The following GRID2 variants were observed in gnomAD, a reference collection of about 807,000 sequenced individuals.
GRID2 encodes the protein glutamate ionotropic receptor delta type subunit 2, also known as glutamate receptor ionotropic, delta-2.
Under a neutral mutation model 114.8 loss-of-function variants are expected in GRID2, and 33 were observed. That is an observed-to-expected ratio of 0.29 (90% CI 0.22 to 0.38). The LOEUF (loss-of-function observed/expected upper bound fraction) is 0.38, where lower values mean the gene tolerates loss of function less well. Ranked by LOEUF, GRID2 falls within the 10% of genes least tolerant of loss-of-function variation. GRID2 has a pLI of 1.00. For missense variants in GRID2, 1,184 were observed against 1,257.7 expected, an observed-to-expected ratio of 0.94 and a Z score of 0.89; for synonymous variants, 505 against 449.9, an observed-to-expected ratio of 1.12 and a Z score of -1.55.
At chr4:93,405,208 T>C (rs1460306688) in intron 9 of GRID2, among the ~76,000 whole-genome samples, 1 of 152,180 alleles carries the variant, frequency 6.6e-6, no homozygotes, top group East Asian at 1.9e-4. Context: ...GGGGAAAATA[T>C]GATTTTTATA....
chr4:93,612,188 T>G lies in GRID2; in HGVS notation c.2194-14081T>G, dbSNP rs866953776. 1.8e-3 allele frequency among the ~76,000 whole-genome samples: 267 copies of G among 151,134 alleles called. 1 individual carries two copies. Among genetic ancestry groups the G allele is most frequent in the African/African-American group, 5.8e-3 (241 of 41,216 alleles). On this transcript the variant is annotated intron_variant, in intron 13 of 15. Coordinates refer to ENST00000282020, the MANE Select transcript of GRID2 (RefSeq NM_001510.4). ...GGTAGATCTTCCTCCATCCTTTTAT[T>G]TTGAGCCTATGTGTGTCTCTGCACG...
At chr4:93,556,224 C>T (rs1277112122) in intron 13 of GRID2, among the ~76,000 whole-genome samples, 3 of 152,080 alleles carry the variant, frequency 2.0e-5, no homozygotes, top group Non-Finnish European at 4.4e-5. Context: ...CACAACTCCT[C>T]GCCAGCAAGG....
rs184672616 is a variant in GRID2 at position 93,342,465 on chromosome 4, C to T, written c.1246-53142C>T. Among the ~76,000 whole-genome samples, 51 of 152,200 alleles carry T rather than the reference C, an allele frequency of 3.4e-4. 1 individual carries two copies. Among genetic ancestry groups the T allele is most frequent in the Admixed American group, 9.2e-4 (14 of 15,272 alleles). Reference sequence around the variant, plus strand: ...AAAAAAAACTTATTATTATCATTCCCCCTCCTAAATCCATGGTTTCCTTAA... The same window carrying T: ...AAAAAAAACTTATTATTATCATTCCTCCTCCTAAATCCATGGTTTCCTTAA... On this transcript the variant is annotated intron_variant, in intron 8 of 15. Transcript: ENST00000282020.
intron 1 of GRID2, among the ~76,000 whole-genome samples, chr4:92,494,720 G>C (rs1265761693): frequency 1.3e-5 from 2 of 151,876 alleles, no homozygotes; most frequent in African/African-American, 4.8e-5. Flanking sequence ...TACATTTGTA[G>C]TATGTTTATG....
intron 2 of GRID2, chr4:92,822,268 C>A (rs527676476): frequency 1.7e-6 from 1 of 578,010 alleles, no homozygotes; most frequent in Non-Finnish European, 3.4e-6. Flanking sequence ...TTGTTGAGAT[C>A]GCATGGCATG....
chr4:93,693,662 TG>T (rs1213988361), intron 14 of GRID2, among the ~76,000 whole-genome samples: 2 of 152,164 alleles, frequency 1.3e-5, no homozygotes, highest in African/African-American at 4.8e-5. Flanking sequence ...TGAAGTGCTG[TG>T]GTAAATTATT....
At chr4:92,710,284 T>TACTAAACA (rs1735183318) in intron 2 of GRID2, among the ~76,000 whole-genome samples, 1 of 151,348 alleles carries the variant, frequency 6.6e-6, no homozygotes, top group Non-Finnish European at 1.5e-5. Flanking sequence ...GAGAAGAAAA[T>TACTAAACA]AGTAAGTACT....
At chr4:92,980,381 T>C (rs1754118256) in intron 2 of GRID2, among the ~76,000 whole-genome samples, 1 of 152,066 alleles carries the variant, frequency 6.6e-6, no homozygotes, top group African/African-American at 2.4e-5. Flanking sequence ...TAAAAATAAT[T>C]GAAGATAATT....
At chr4:93,244,563 A>G (rs1198917014) in intron 8 of GRID2, among the ~76,000 whole-genome samples, 1 of 34,954 alleles carries the variant, frequency 2.9e-5, no homozygotes, top group African/African-American at 1.2e-4. Flanking sequence ...TATATAATCT[A>G]TTATATATTA....
chr4:92,907,818 G>A (rs991332052), intron 2 of GRID2, among the ~76,000 whole-genome samples: 1 of 152,038 alleles, frequency 6.6e-6, no homozygotes, highest in Admixed American at 6.6e-5. Context: ...GAGGTTAGGA[G>A]TTCGAGACCA....
chr4:93,060,995 C>T (rs1727736548), intron 2 of GRID2, among the ~76,000 whole-genome samples: 1 of 151,842 alleles, frequency 6.6e-6, no homozygotes, highest in South Asian at 2.1e-4. Flanking sequence ...CCCAGCTACT[C>T]AGGAGGCTGA....
intron 13 of GRID2, among the ~76,000 whole-genome samples, chr4:93,545,396 A>AGTT (rs1423502283): frequency 6.6e-6 from 1 of 152,190 alleles, no homozygotes; most frequent in Admixed American, 6.5e-5. Context: ...AGAGAGACCA[A>AGTT]CAAGTTCAAG....
chr4:93,216,198 A>ACTT (rs10679709), intron 5 of GRID2, among the ~76,000 whole-genome samples: 105,214 of 151,468 alleles, frequency 0.69, 37,221 homozygotes, highest in Middle Eastern at 0.87. Flanking sequence ...TATTAGAAAA[A>ACTT]CTTATATATC....
chr4:93,185,906 C>G (rs890962716), intron 4 of GRID2, among the ~76,000 whole-genome samples: 3 of 152,122 alleles, frequency 2.0e-5, no homozygotes, highest in Admixed American at 1.3e-4. Context: ...TGACCCCCAC[C>G]CCATGACAGG....
chr4:92,405,716 C>CAA (rs59410809), intron 1 of GRID2, among the ~76,000 whole-genome samples: 6 of 139,338 alleles, frequency 4.3e-5, no homozygotes, highest in African/African-American at 7.8e-5. Flanking sequence ...TTCAGTAATA[C>CAA]AAAAAAAAAA....
intron 11 of GRID2, among the ~76,000 whole-genome samples, chr4:93,481,378 A>G (rs1725847945): frequency 6.6e-6 from 1 of 152,124 alleles, no homozygotes. Context: ...AGAAGATTTA[A>G]TCAGCAATTA....
chr4:93,480,710 G>T (rs1580202554), intron 11 of GRID2, among the ~76,000 whole-genome samples: 1 of 152,002 alleles, frequency 6.6e-6, no homozygotes, highest in South Asian at 2.1e-4. Context: ...ATCAAGAAAT[G>T]CAATTTATTG....
chr4:92,983,036 G>A (rs907847319), intron 2 of GRID2, among the ~76,000 whole-genome samples: 5 of 152,002 alleles, frequency 3.3e-5, no homozygotes, highest in Admixed American at 6.6e-5. Context: ...AGTATCTACC[G>A]TCAATCAGAG....
chr4:92,921,278 T>C (rs575823477), intron 2 of GRID2, among the ~76,000 whole-genome samples: 1 of 152,262 alleles, frequency 6.6e-6, no homozygotes, highest in Admixed American at 6.5e-5. Flanking sequence ...TTTTAACTTC[T>C]TTACCGTGGG....
Sources: gnomAD v4.1 joint callset for allele counts (sites outside exome capture counted in the v4.1 genomes callset) on GRCh38, gnomAD v4.1.1 for gene constraint, MANE v1.5 for transcripts, NCBI Gene and HGNC (gene_info 2026-07-23, HGNC 2026-07-21) for gene names.